The following NDRG3 variants were observed in gnomAD, a reference collection of about 807,000 sequenced individuals.
NDRG3 encodes the protein protein NDRG3.
In NDRG3, 23 loss-of-function variants were observed where a neutral mutation model predicts 57.2. The ratio of observed to expected loss-of-function variants is 0.40; its 90% confidence interval spans 0.29 to 0.57. The LOEUF (loss-of-function observed/expected upper bound fraction) is 0.57, where lower values mean the gene tolerates loss of function less well. Among genes scored for constraint, NDRG3 ranks in the 20% least tolerant of loss-of-function variants. The probability of loss-of-function intolerance (pLI) is 0.42; values close to 1 mark genes in which losing one functional copy is unlikely to be tolerated. For missense variants in NDRG3, 384 were observed against 457.3 expected (o/e 0.84, Z 1.46); for synonymous variants, 132 against 162.6 (o/e 0.81, Z 1.43).
chr20:36,653,675 C>A lies in NDRG3; in HGVS notation c.973G>T (p.Ala325Ser). ...GAGGTTGAGTGGGTTCGTGATCGGG[C>A]GAGCCGAGTCATGCTGGCAGATGGT... ...YIPSASMTRLARSRTHSTSSS... is the reference protein window; with the variant it reads ...YIPSASMTRLSRSRTHSTSSS... The change falls in exon 16 of 16, where the codon GCC (alanine) becomes TCC (serine). Residue 325 changes from alanine (A) to serine (S), a missense_variant. Coordinates refer to ENST00000349004, the MANE Select transcript of NDRG3 (RefSeq NM_032013.4). This position sits in a 1 kb window ranked among gnomAD's most constrained non-coding sequence, Gnocchi z 4.2. 6.2e-7 allele frequency: 1 copy of A among 1,613,342 alleles called. No homozygotes were observed. The highest frequency in any genetic ancestry group is 8.5e-7 in the Non-Finnish European group (1 of 1,179,968).
At chr20:36,739,167 G>T (rs911285472) in intron 1 of NDRG3, among the ~76,000 whole-genome samples, 6 of 71,396 alleles carry the variant, frequency 8.4e-5, no homozygotes, top group Non-Finnish European at 1.6e-4. Context: ...AAAAAAAAAA[G>T]GCCAGGCACA....
intron 2 of NDRG3, among the ~76,000 whole-genome samples, chr20:36,708,675 A>T (rs1983694054): frequency 6.6e-6 from 1 of 152,050 alleles, no homozygotes; most frequent in Admixed American, 6.6e-5. Flanking sequence ...AAGAAAAAGA[A>T]AAAAAGAAAT....
intron 7 of NDRG3, 65 bp downstream of exon 7, chr20:36,682,453 A>T: frequency 1.5e-6 from 2 of 1,299,942 alleles, no homozygotes; most frequent in Non-Finnish European, 2.2e-6. Flanking sequence ...CATTTAACAC[A>T]GCAGTAATAG....
chr20:36,687,960 G>C (rs1015056669), intron 4 of NDRG3, among the ~76,000 whole-genome samples: 3 of 152,200 alleles, frequency 2.0e-5, no homozygotes, highest in African/African-American at 7.2e-5. Flanking sequence ...AACAGACACT[G>C]ATTATACCCC....
At chr20:36,655,824 C>A (rs532196281) in intron 15 of NDRG3, among the ~76,000 whole-genome samples, 9 of 152,150 alleles carry the variant, frequency 5.9e-5, no homozygotes, top group African/African-American at 2.2e-4. Context: ...GCACTAATAA[C>A]AGAATGACTT....
At chr20:36,693,205 T>C (rs1982483165) in intron 3 of NDRG3, among the ~76,000 whole-genome samples, 1 of 139,092 alleles carries the variant, frequency 7.2e-6, no homozygotes, top group Admixed American at 7.5e-5. Flanking sequence ...CACATATATA[T>C]GTGTATATAT....
rs554887080 is a variant in NDRG3, at chr20:36,720,997, A to T, written c.57+682T>A. ...CACCTTGTTGTCCAGGCTGGTCTCA[A>T]ACTCCTGACCTCAAGTGATCCACCT... is the stretch of plus-strand genomic sequence containing the variant. On this transcript the variant is annotated intron_variant, in intron 2 of 15. Coordinates refer to ENST00000349004, the MANE Select transcript of NDRG3 (RefSeq NM_032013.4). Among the ~76,000 whole-genome samples, 26 of 151,562 alleles carry T rather than the reference A, an allele frequency of 1.7e-4. No individual in the cohort carries two copies. In the East Asian group the frequency reaches 4.3e-3, roughly 25 times the overall value.
intron 3 of NDRG3, among the ~76,000 whole-genome samples, chr20:36,701,602 C>T (rs1295053701): frequency 1.4e-5 from 2 of 143,594 alleles, no homozygotes; most frequent in East Asian, 2.0e-4. Flanking sequence ...GGCTGGAGTG[C>T]AATGGTGCGA....
rs1472934185 is a variant in NDRG3, at chr20:36,651,948, C to T, written c.*1572G>A. On this transcript the variant is annotated 3_prime_UTR_variant, in exon 16 of 16. Transcript: ENST00000349004. ...AATGCTCCCAAGAGCTGGGCTCTTG[C>T]TATGTGGTAGTTGGTCTCCACAATT... 2.6e-5 allele frequency: 4 copies of T among 152,228 alleles called. No individual in the cohort carries two copies. The highest frequency in any genetic ancestry group is 5.9e-5 in the Non-Finnish European group (4 of 68,056). The allele number at this position is 152,228 out of a possible 1,614,324, so 9.4% of individuals were successfully genotyped here.
chr20:36,739,792 C>T (rs964254727), intron 1 of NDRG3, among the ~76,000 whole-genome samples: 1 of 151,752 alleles, frequency 6.6e-6, no homozygotes, highest in African/African-American at 2.4e-5. Context: ...CGCCTGTAGT[C>T]CCAGCTACTC....
chr20:36,729,895 C>T (rs541840868), intron 1 of NDRG3, among the ~76,000 whole-genome samples: 2 of 152,230 alleles, frequency 1.3e-5, no homozygotes, highest in South Asian at 4.1e-4. Context: ...AATTTGATTT[C>T]GTCCTGCCTT....
At chr20:36,689,301 CTTG>C (rs1466356716) in intron 3 of NDRG3, among the ~76,000 whole-genome samples, 2 of 152,110 alleles carry the variant, frequency 1.3e-5, no homozygotes, top group East Asian at 3.8e-4. Context: ...CAAAACACAC[CTTG>C]TTATCTCCAA....
chr20:36,735,213 G>C (rs1985541772), intron 1 of NDRG3, among the ~76,000 whole-genome samples: 1 of 152,142 alleles, frequency 6.6e-6, no homozygotes, highest in Non-Finnish European at 1.5e-5. Context: ...GGCACATGTT[G>C]AGCATCTCTA....
At chr20:36,707,457 A>G (rs1415992224) in intron 2 of NDRG3, among the ~76,000 whole-genome samples, 3 of 152,194 alleles carry the variant, frequency 2.0e-5, no homozygotes, top group Non-Finnish European at 2.9e-5. Flanking sequence ...AGGATCAGGA[A>G]GAGGACAAAG....
intron 8 of NDRG3, among the ~76,000 whole-genome samples, chr20:36,674,427 T>C (rs1459451743): frequency 6.6e-6 from 1 of 152,086 alleles, no homozygotes; most frequent in East Asian, 1.9e-4. Context: ...GGTCTCGAAC[T>C]TCTGACCTCA....
intron 1 of NDRG3, among the ~76,000 whole-genome samples, chr20:36,724,837 G>A (rs1219827801): frequency 3.3e-5 from 5 of 152,086 alleles, no homozygotes; most frequent in Non-Finnish European, 7.4e-5. Flanking sequence ...GCTGAGGCAC[G>A]AGAATCATTT....
intron 1 of NDRG3, among the ~76,000 whole-genome samples, chr20:36,738,136 A>T (rs1985702968): frequency 6.6e-6 from 1 of 152,074 alleles, no homozygotes; most frequent in Non-Finnish European, 1.5e-5. Context: ...TTAATATGAG[A>T]CTTGTACCTA....
intron 1 of NDRG3, among the ~76,000 whole-genome samples, chr20:36,724,602 A>T (rs1204410899): frequency 1.3e-5 from 2 of 152,102 alleles, no homozygotes; most frequent in African/African-American, 2.4e-5. Context: ...TTTGAACTTT[A>T]CTATTTATCA....
rs986103600 is a variant in NDRG3 at position 36,684,263 on chromosome 20, ATT to A, written c.383+148_383+149del. On this transcript the variant is annotated intron_variant, in intron 6 of 15. Coordinates refer to ENST00000349004, the MANE Select transcript of NDRG3 (RefSeq NM_032013.4). ...CCACTGACTTATTTTATAGAACTTT[ATT>A]ATTTGTTTGCTTACTTGTTACCCCA... 7.2e-5 allele frequency: 45 copies of A among 628,006 alleles called. No homozygotes were observed. In the Middle Eastern group the frequency reaches 1.3e-3, roughly 19 times the overall value. The allele number at this position is 628,006 out of a possible 1,614,324, so 38.9% of individuals were successfully genotyped here. A position where few individuals can be genotyped will look rare whatever the true frequency, so the allele number is the denominator to read the frequency against.
Sources: gnomAD v4.1 joint callset for allele counts (sites outside exome capture counted in the v4.1 genomes callset) on GRCh38, gnomAD v4.1.1 for gene constraint, Gnocchi (gnomAD v3.1) non-coding constraint, MANE v1.5 for transcripts, NCBI Gene and HGNC (gene_info 2026-07-23, HGNC 2026-07-21) for gene names.